Variants in ZNF106 observed in about 807,000 individuals in gnomAD.
The protein encoded by ZNF106 is zinc finger protein 106.
Under a neutral mutation model 195.1 loss-of-function variants are expected in ZNF106, and 67 were observed. The ratio of observed to expected loss-of-function variants is 0.34; its 90% CI spans 0.28 to 0.42. ZNF106 has a LOEUF of 0.42. ZNF106 is among the 10% of genes least tolerant of loss of function. The probability of loss-of-function intolerance (pLI) is 1.00; values close to 1 mark genes in which losing one functional copy is unlikely to be tolerated. For missense variants in ZNF106, 2,118 were observed against 2,304.5 expected (o/e 0.92, Z 1.66); for synonymous variants, 784 against 818.6 (o/e 0.96, Z 0.72).
At chr15:42,458,447 C>T (rs1426456759) in intron 3 of ZNF106, among the ~76,000 whole-genome samples, 2 of 151,136 alleles carry the variant, frequency 1.3e-5, no homozygotes, top group Admixed American at 6.6e-5. Flanking sequence ...GTGGGGCTCA[C>T]GCCTGTAATC....
chr15:42,438,986 T>A (rs750701980), intron 11 of ZNF106, 47 bp downstream of exon 11: 1 of 1,531,564 alleles, frequency 6.5e-7, no homozygotes, highest in Non-Finnish European at 8.8e-7. Context: ...TTTAAAAAAA[T>A]AAAGTTGGTG....
intron 4 of ZNF106, among the ~76,000 whole-genome samples, chr15:42,455,167 A>G (rs1300335221): frequency 1.3e-5 from 2 of 152,214 alleles, no homozygotes; most frequent in Non-Finnish European, 2.9e-5. Flanking sequence ...CTACTAAATG[A>G]TTTAAGAACC....
chr15:42,475,058 GA>G (rs2056756250), intron 1 of ZNF106, among the ~76,000 whole-genome samples: 1 of 152,222 alleles, frequency 6.6e-6, no homozygotes, highest in Admixed American at 6.5e-5. Context: ...AAGGACCAAT[GA>G]AAGAGGCCTA....
chr15:42,437,271 G>A lies in ZNF106; in HGVS notation c.4707C>T (p.Thr1569=). 1 of 1,614,068 alleles carries A rather than the reference G, an allele frequency of 6.2e-7. No homozygotes were observed. The highest frequency in any genetic ancestry group is 1.1e-5 in the South Asian group (1 of 91,076). Residue 1569 remains threonine (T), a synonymous_variant, in exon 13 of 22, where the codon ACC becomes ACT. Transcript: ENST00000564754. ...CCCGAACAGTTTTATCTGCTGAACA[G>A]GTATATAGCAAGTTCCCAAATATCT... ...AIQIFGNLLY[T]CSADKTVRVY...
chr15:42,423,742 G>A (rs2054752832), intron 17 of ZNF106, among the ~76,000 whole-genome samples: 1 of 152,106 alleles, frequency 6.6e-6, no homozygotes, highest in African/African-American at 2.4e-5. Context: ...AGCCTCAGCT[G>A]CTCAGTTTAT....
chr15:42,432,058 A>C (rs2055066802), intron 14 of ZNF106, among the ~76,000 whole-genome samples: 1 of 152,214 alleles, frequency 6.6e-6, no homozygotes. Flanking sequence ...CACGTATTTT[A>C]GAGCTCTGTT....
chr15:42,437,315 C>T lies in ZNF106; in HGVS notation c.4663G>A (p.Ala1555Thr). 6.2e-7 allele frequency: 1 copy of T among 1,614,142 alleles called. No homozygotes were observed. The highest frequency in any genetic ancestry group is 8.5e-7 in the Non-Finnish European group (1 of 1,180,022). The change falls in exon 13 of 22, where the codon GCT becomes ACT. Residue 1555 changes from alanine to threonine, a missense_variant. Coordinates refer to ENST00000564754, the MANE Select transcript of ZNF106 (RefSeq NM_001366845.3). The part of the protein sequence containing the change: ...PTEGSFEGHQ[A>T]AVNAIQIFGN... ...AATATCTGAATTGCATTTACGGCAGCTTGGTGTCCCTCAAAGCTTCCTTCT... is the reference window on the plus strand; with the variant it reads ...AATATCTGAATTGCATTTACGGCAGTTTGGTGTCCCTCAAAGCTTCCTTCT...
At chr15:42,422,891 A>C (rs988466856) in intron 17 of ZNF106, among the ~76,000 whole-genome samples, 1 of 151,788 alleles carries the variant, frequency 6.6e-6, no homozygotes, top group Non-Finnish European at 1.5e-5. Flanking sequence ...AGCGGCCAAA[A>C]CTCTATCTGT....
chr15:42,483,964 C>T (rs1002391212), intron 1 of ZNF106, among the ~76,000 whole-genome samples: 1 of 152,284 alleles, frequency 6.6e-6, no homozygotes, highest in Admixed American at 6.5e-5. Context: ...CTTCTGAAAC[C>T]CTATCTCTTC....
chr15:42,418,532 A>ATTTTTTTTTTTTTTTT (rs1162999546), intron 20 of ZNF106, among the ~76,000 whole-genome samples: 6 of 96,246 alleles, frequency 6.2e-5, no homozygotes, highest in Admixed American at 1.3e-4. Context: ...CGGCCAGTTA[A>ATTTTTTTTTTTTTTTT]TTTTTTTTTT....
Position 42,414,418 on chromosome 15 carries a change from G to GA in ZNF106, c.*2885dup, listed in dbSNP as rs2054373429. 1 of 152,206 alleles carries GA rather than the reference G, an allele frequency of 6.6e-6. No individual in the cohort carries two copies. Among genetic ancestry groups the GA allele is most frequent in the Admixed American group, 6.5e-5 (1 of 15,282 alleles). 9.4% of individuals were successfully genotyped at this position (152,206 alleles called of 1,614,324 possible). A position where few individuals can be genotyped will look rare whatever the true frequency, so the allele number is the denominator to read the frequency against. On this transcript the variant is annotated 3_prime_UTR_variant, in exon 22 of 22. Coordinates refer to ENST00000564754, the MANE Select transcript of ZNF106 (RefSeq NM_001366845.3). ...TGTTAAAAGAATTTCATGTGTTCTT[G>GA]AAACAAAGGCATACTGCCACTGCTT... is the stretch of plus-strand genomic sequence containing the variant.
rs752594052 is a variant in ZNF106 at position 42,439,132 on chromosome 15, G to C, written c.4445C>G (p.Ser1482Cys). The change falls in exon 11 of 22, where the codon TCT (serine) becomes TGT (cysteine). Residue 1482 changes from serine (S) to cysteine (C), a missense_variant. Ser to Cys is a moderately radical substitution (Grantham distance 112, BLOSUM62 -1). Transcript: ENST00000564754. ...DSPSKKDIWN[S>C]TEQNPLETSR... The stretch of plus-strand genomic sequence containing the variant: ...CGTTTCTAGTGGGTTTTGCTCTGTA[G>C]AGTTCCAAATATCCTTTTTAGATGG... The C allele has an allele frequency of 1.2e-6, 2 of 1,614,128 alleles. No individual in the cohort carries two copies. The highest frequency in any genetic ancestry group is 1.7e-5 in the Admixed American group (1 of 60,016).
chr15:42,435,517 C>A lies in ZNF106; in HGVS notation c.4748G>T (p.Ser1583Ile). The stretch of plus-strand genomic sequence containing the variant: ...CTCAAAGACACCAATACATTTCCGA[C>A]TCTAAAGTTTAAGCACAGACCAGAT... Reference protein sequence around the residue: ...DKTVRVYNLVSRKCIGVFEGH... With the variant: ...DKTVRVYNLVIRKCIGVFEGH... Residue 1583 changes from serine to isoleucine, a missense_variant and splice_region_variant, in exon 14 of 22, where the codon AGT (serine) becomes ATT (isoleucine). Transcript: ENST00000564754. The A allele has an allele frequency of 1.9e-6, 3 of 1,614,190 alleles. No individual in the cohort carries two copies. The South Asian group carries it at 3.3e-5, about 18-fold the overall frequency.
chr15:42,433,456 T>C (rs2055136785), intron 14 of ZNF106, among the ~76,000 whole-genome samples: 1 of 150,028 alleles, frequency 6.7e-6, no homozygotes, highest in Non-Finnish European at 1.5e-5. Context: ...CTTTCTAAGC[T>C]CAATTTCTTT....
chr15:42,450,596 C>G lies in ZNF106; in HGVS notation c.1676G>C (p.Arg559Pro), dbSNP rs375076127. The change falls in exon 5 of 22, where the codon CGA becomes CCA. Residue 559 changes from arginine to proline, a missense_variant. Physicochemically the swap from Arg to Pro is moderately radical, Grantham distance 103 (BLOSUM62 -2). Coordinates refer to ENST00000564754, the MANE Select transcript of ZNF106 (RefSeq NM_001366845.3). ...ACACTGTAGCACCTCTTTGGCCTTT[C>G]GTAAAGTATCATTTAAATTATCACC... ...QSGDNLNDTL[R>P]KAKEVLQCHE... 1.2e-6 allele frequency: 2 copies of G among 1,614,018 alleles called. No homozygotes were observed. Among genetic ancestry groups the G allele is most frequent in the Non-Finnish European group, 1.7e-6 (2 of 1,180,042 alleles).
intron 1 of ZNF106, among the ~76,000 whole-genome samples, chr15:42,483,442 T>C (rs1478743584): frequency 6.6e-6 from 1 of 152,174 alleles, no homozygotes; most frequent in East Asian, 1.9e-4. Context: ...TGCTGGGACC[T>C]GGGTGACTCC....
intron 3 of ZNF106, 25 bp from the exon 4 acceptor site, chr15:42,457,183 C>CA: frequency 6.2e-7 from 1 of 1,614,038 alleles, no homozygotes; most frequent in Non-Finnish European, 8.5e-7. Context: ...AGATGAGGGA[C>CA]ATTCAATTCT....
intron 3 of ZNF106, among the ~76,000 whole-genome samples, chr15:42,462,081 G>T (rs1370574522): frequency 6.6e-6 from 1 of 152,198 alleles, no homozygotes; most frequent in Non-Finnish European, 1.5e-5. Flanking sequence ...TAAAGAAAAT[G>T]AGTTTGGGTG....
At position 42,444,206 on chromosome 15, in the gene ZNF106, T is replaced by A. The variant is rs2055676273; in HGVS notation, c.3417A>T (p.Leu1139Phe). The change falls in exon 9 of 22, where the codon TTA (leucine) becomes TTT (phenylalanine). Residue 1139 changes from leucine (L) to phenylalanine (F), a missense_variant. Physicochemically the swap from Leu to Phe is conservative, Grantham distance 22. Coordinates refer to ENST00000564754, the MANE Select transcript of ZNF106 (RefSeq NM_001366845.3). ...CATCAGATGCCCTCTGAATACCTTG[T>A]AATCCCTGTAGAATCTGTATTCTAT... is the stretch of plus-strand genomic sequence containing the variant. ...RTHRIQILQG[L>F]QETYEPSEHP... 4 of 1,608,904 alleles carry A rather than the reference T, an allele frequency of 2.5e-6. No individual in the cohort carries two copies. The highest frequency in any genetic ancestry group is 3.4e-6 in the Non-Finnish European group (4 of 1,176,996).
Sources: allele counts gnomAD v4.1 joint callset (sites outside exome capture counted in the v4.1 genomes callset), GRCh38; gene constraint gnomAD v4.1.1; transcripts MANE v1.5; gene names NCBI Gene and HGNC (gene_info 2026-07-23, HGNC 2026-07-21).